The following ANKLE2 variants were observed in gnomAD, a reference collection of about 807,000 sequenced individuals.
ANKLE2 encodes the protein ankyrin repeat and LEM domain-containing protein 2.
Under a neutral mutation model 84.2 loss-of-function variants are expected in ANKLE2, and 55 were observed. The observed-to-expected ratio is 0.65, with a 90% confidence interval of 0.53 to 0.82. The LOEUF (loss-of-function observed/expected upper bound fraction) is 0.82, where lower values mean the gene tolerates loss of function less well. Ranked by LOEUF, ANKLE2 falls within the 40% of genes least tolerant of loss-of-function variation. The pLI is 0.00. For missense variants in ANKLE2, 1,238 were observed against 1,201.9 expected, an observed-to-expected ratio of 1.03 and a Z score of -0.44; for synonymous variants, 551 against 486.1, an observed-to-expected ratio of 1.13 and a Z score of -1.76.
intron 10 of ANKLE2, among the ~76,000 whole-genome samples, chr12:132,733,797 T>C (rs1257749528): frequency 6.6e-6 from 1 of 152,192 alleles, no homozygotes; most frequent in Non-Finnish European, 1.5e-5. Flanking sequence ...ACTCGTCTTT[T>C]TCCTGAAAAT....
At chr12:132,734,312 T>C in intron 10 of ANKLE2, 73 bp downstream of exon 10, 2 of 1,467,106 alleles carry the variant, frequency 1.4e-6, no homozygotes, top group South Asian at 1.2e-5. Context: ...GAGAAACAGA[T>C]GTGCGCATCC....
Position 132,748,162 on chromosome 12 carries a change from T to G in ANKLE2, c.1017A>C (p.Ser339=). The G allele has an allele frequency of 6.2e-7, 1 of 1,613,840 alleles. No homozygotes were observed. The highest frequency in any genetic ancestry group is 8.5e-7 in the Non-Finnish European group (1 of 1,179,900). Reference sequence around the variant, plus strand: ...CCTGCACGATAGTGGGGTTGTCTCCTGAGCCTATCAGATACCGGGGGTTGC... The same window carrying G: ...CCTGCACGATAGTGGGGTTGTCTCCGGAGCCTATCAGATACCGGGGGTTGC... ...IWSNPRYLIG[S]GDNPTIVQEG... is the part of the protein sequence containing the mutation. The change falls in exon 4 of 13, where the codon TCA becomes TCC. Residue 339 remains serine, a synonymous_variant. Coordinates refer to ENST00000357997, the MANE Select transcript of ANKLE2 (RefSeq NM_015114.3).
At chr12:132,748,882 T>TATATATATATATATATATATATAC (rs1380526374) in intron 3 of ANKLE2, 5 of 148,616 alleles carry the variant, frequency 3.4e-5, no homozygotes, top group East Asian at 2.0e-4. Context: ...TATATATATA[T>TATATATATATATATATATATATAC]ACACACGTAT....
intron 6 of ANKLE2, chr12:132,742,038 C>G (rs1311989160): frequency 6.3e-6 from 2 of 319,788 alleles, no homozygotes; most frequent in African/African-American, 4.4e-5. Flanking sequence ...AAGGAACCAG[C>G]CTATGAGAGA....
At chr12:132,740,744 A>T (rs1210879195) in intron 7 of ANKLE2, among the ~76,000 whole-genome samples, 2 of 151,914 alleles carry the variant, frequency 1.3e-5, no homozygotes, top group East Asian at 3.9e-4. Flanking sequence ...CATGCCTGGC[A>T]CCTACAAACC....
chr12:132,741,307 G>A, intron 7 of ANKLE2, 112 bp downstream of exon 7: 1 of 1,032,992 alleles, frequency 9.7e-7, no homozygotes, highest in South Asian at 1.5e-5. Context: ...TCCGAGGGGA[G>A]CCGGCACACG....
In ANKLE2 at chr12:132,748,146, T is replaced by G; in HGVS notation, c.1033A>C (p.Ile345Leu). Residue 345 changes from isoleucine to leucine, a missense_variant, in exon 4 of 13, where the codon ATC becomes CTC. Coordinates refer to ENST00000357997, the MANE Select transcript of ANKLE2 (RefSeq NM_015114.3). ...GAACCGCCGAGACCTACCTGCACGA[T>G]AGTGGGGTTGTCTCCTGAGCCTATC... The part of the protein sequence containing the change: ...YLIGSGDNPT[I>L]VQEGCRYNVM... The G allele has an allele frequency of 6.2e-7, 1 of 1,612,954 alleles. No homozygotes were observed. Among genetic ancestry groups the G allele is most frequent in the Non-Finnish European group, 8.5e-7 (1 of 1,179,526 alleles).
At chr12:132,742,295 G>C (rs2044141606) in intron 6 of ANKLE2, 1 of 156,666 alleles carries the variant, frequency 6.4e-6, no homozygotes, top group South Asian at 1.8e-4. Flanking sequence ...TATTCTTTTT[G>C]ATCAAGCAGT....
Position 132,730,106 on chromosome 12 carries a change from T to G in ANKLE2, c.2056A>C (p.Ile686Leu). 1 of 1,612,520 alleles carries G rather than the reference T, an allele frequency of 6.2e-7. No individual in the cohort carries two copies. Among genetic ancestry groups the G allele is most frequent in the Non-Finnish European group, 8.5e-7 (1 of 1,179,686 alleles). The change falls in exon 11 of 13, where the codon ATA (isoleucine) becomes CTA (leucine). Residue 686 changes from isoleucine to leucine, a missense_variant. Physicochemically the swap from Ile to Leu is conservative, Grantham distance 5. Coordinates refer to ENST00000357997, the MANE Select transcript of ANKLE2 (RefSeq NM_015114.3). Reference protein sequence around the residue: ...AFPLEQEADLIEAAEPGGPHS... With the variant: ...AFPLEQEADLLEAAEPGGPHS... ...GGACCTCCCGGCTCGGCGGCTTCTA[T>G]GAGGTCTGCCTCCTGCTCCAAGGGG... is the stretch of plus-strand genomic sequence containing the variant.
At chr12:132,755,422 GTAATCCCAGCT>G (rs748842833) in intron 1 of ANKLE2, 5 of 261,216 alleles carry the variant, frequency 1.9e-5, no homozygotes, top group Non-Finnish European at 2.2e-5. Context: ...GCGGATGCCT[GTAATCCCAGCT>G]ACTTGGGAGG....
At chr12:132,761,363 G>A (rs1243775602) in intron 1 of ANKLE2, 3 of 315,460 alleles carry the variant, frequency 9.5e-6, no homozygotes, top group Non-Finnish European at 1.7e-5. Flanking sequence ...CTTCCCCGGA[G>A]GCTGCTCCAG....
Position 132,730,228 on chromosome 12 carries a change from T to C in ANKLE2, c.1934A>G (p.Asp645Gly). Residue 645 changes from aspartate (D) to glycine (G), a missense_variant, in exon 11 of 13, where the codon GAC becomes GGC. By Grantham distance (94) the Asp-to-Gly change is moderately conservative. Coordinates refer to ENST00000357997, the MANE Select transcript of ANKLE2 (RefSeq NM_015114.3). ...ISVRAFLDED[D>G]MSLEEIKNRQ... ...ATTTTTTATTTCTTCCAAGCTCATG[T>C]CATCTTCATCTAGAAACGCCCTCAC... is the stretch of plus-strand genomic sequence containing the variant. The C allele has an allele frequency of 3.8e-6, 6 of 1,583,462 alleles. No homozygotes were observed. The highest frequency in any genetic ancestry group is 5.2e-6 in the Non-Finnish European group (6 of 1,162,616).
chr12:132,760,960 G>T (rs936795142), intron 1 of ANKLE2: 2 of 152,334 alleles, frequency 1.3e-5, no homozygotes, highest in African/African-American at 4.8e-5. Flanking sequence ...GCCTACAAAA[G>T]ACATCACTTT....
chr12:132,736,732 C>T (rs995910092), intron 8 of ANKLE2, among the ~76,000 whole-genome samples, 161 bp downstream of exon 8: 5 of 152,254 alleles, frequency 3.3e-5, no homozygotes, highest in Admixed American at 3.3e-4. Flanking sequence ...GACAAACGTT[C>T]TCATCACCAA....
At chr12:132,742,988 C>G (rs967508342) in intron 6 of ANKLE2, among the ~76,000 whole-genome samples, 166 bp downstream of exon 6, 5 of 152,148 alleles carry the variant, frequency 3.3e-5, no homozygotes, top group Admixed American at 6.6e-5. Flanking sequence ...ATCTTCTTCA[C>G]AAAGTGCATC....
intron 2 of ANKLE2, chr12:132,751,222 C>T (rs11147046): frequency 0.34 from 54,958 of 159,702 alleles, 9,873 homozygotes; most frequent in Non-Finnish European, 0.39. Context: ...CAATTTTGAA[C>T]AGGGAACGCC....
At position 132,747,757 on chromosome 12, in the gene ANKLE2, C is replaced by G. The variant is rs141395888; in HGVS notation, c.1230+75G>C. The G allele has an allele frequency of 0.014, 21,370 of 1,536,984 alleles. 195 individuals are homozygous for G. The highest frequency in any genetic ancestry group is 0.017 in the Non-Finnish European group (19,207 of 1,144,152). On this transcript the variant is annotated intron_variant, in intron 5 of 12. Coordinates refer to ENST00000357997, the MANE Select transcript of ANKLE2 (RefSeq NM_015114.3). ...GTTATTATACTAATGAGTAACTTGT[C>G]GATAAAGCATTCTTTTGGGGAAAGA...
intron 2 of ANKLE2, chr12:132,751,195 T>TA (rs1242755430): frequency 5.9e-6 from 1 of 169,890 alleles, no homozygotes; most frequent in Non-Finnish European, 1.2e-5. Flanking sequence ...GCCAAGAACA[T>TA]AAGAGAATTT....
intron 9 of ANKLE2, 40 bp downstream of exon 9, chr12:132,735,366 A>AT: frequency 6.4e-7 from 1 of 1,553,154 alleles, no homozygotes; most frequent in Non-Finnish European, 8.9e-7. Context: ...AATGCAACCA[A>AT]CTGTGTGCCC....
Sources: gnomAD v4.1 joint callset for allele counts (sites outside exome capture counted in the v4.1 genomes callset) on GRCh38, gnomAD v4.1.1 for gene constraint, MANE v1.5 for transcripts, NCBI Gene and HGNC (gene_info 2026-07-23, HGNC 2026-07-21) for gene names.